AKT1: variants seen among roughly 807,000 people sequenced by gnomAD.
AKT1 encodes RAC-alpha serine/threonine-protein kinase.
A neutral mutation model predicts 63.1 loss-of-function variants in AKT1; 21 were observed. That is an observed-to-expected ratio of 0.33 (90% CI 0.24 to 0.48). The LOEUF (loss-of-function observed/expected upper bound fraction) is 0.48. AKT1 is among the 20% of genes least tolerant of loss of function. AKT1 has a pLI of 0.99. For synonymous variants in AKT1, 257 were observed against 253.1 expected, an observed-to-expected ratio of 1.02 and a Z score of -0.15; for missense variants, 382 against 666.0, an observed-to-expected ratio of 0.57 and a Z score of 4.69.
At chr14:104,789,851 G>A (rs932619176) in intron 3 of AKT1, among the ~76,000 whole-genome samples, 1 of 152,080 alleles carries the variant, frequency 6.6e-6, no homozygotes, top group African/African-American at 2.4e-5. Context: ...CAGAGGCCTC[G>A]CCTGGGTCCA....
In AKT1 at chr14:104,775,084, C is replaced by G. The variant is rs1216778719; in HGVS notation, c.559G>C (p.Val187Leu). 1 of 1,613,944 alleles carries G rather than the reference C, an allele frequency of 6.2e-7. No homozygotes were observed. ...AMKILKKEVI[V>L]AKDEVAHTLT... ...CACCGCCCCGGCCCCACCTTGGCCA[C>G]GATGACTTCCTTCTTGAGGATCTTC... Residue 187 changes from valine (V) to leucine (L), a missense_variant, in exon 7 of 15, where the codon GTG (valine) becomes CTG (leucine). Val to Leu is a conservative substitution (Grantham distance 32). This residue lies in a region of AKT1 where 226 missense variants were observed against 366.4 expected (regional missense o/e 0.62). Transcript: ENST00000649815.
intron 9 of AKT1, 70 bp downstream of exon 9, chr14:104,773,842 G>A (rs754687743): frequency 2.0e-4 from 302 of 1,473,222 alleles, no homozygotes; most frequent in Non-Finnish European, 2.6e-4. Flanking sequence ...CCGAGGCTCC[G>A]GGAAGGACCG....
intron 3 of AKT1, among the ~76,000 whole-genome samples, chr14:104,781,836 A>G (rs935313870): frequency 8.6e-5 from 13 of 152,006 alleles, no homozygotes; most frequent in Admixed American, 7.2e-4. Flanking sequence ...CCTCTGGAGG[A>G]CGGCCAACAC....
At chr14:104,770,496 G>T in intron 14 of AKT1, 76 bp from the exon 15 acceptor site, 1 of 1,401,760 alleles carries the variant, frequency 7.1e-7, no homozygotes, top group Non-Finnish European at 9.6e-7. Flanking sequence ...CCAGTAGGAA[G>T]CCAACCTCTT....
intron 3 of AKT1, among the ~76,000 whole-genome samples, chr14:104,790,627 C>CA (rs1162729206): frequency 1.3e-5 from 2 of 152,224 alleles, no homozygotes; most frequent in African/African-American, 4.8e-5. Context: ...ACAAGAGGGG[C>CA]TATGCCTGCC....
At chr14:104,771,942 G>A in intron 13 of AKT1, 1 of 313,692 alleles carries the variant, frequency 3.2e-6, no homozygotes, top group Non-Finnish European at 6.0e-6. Context: ...ATAGGGCTGG[G>A]CTCTCCTTGC....
chr14:104,771,547 G>A (rs766763375), intron 13 of AKT1: 4 of 232,464 alleles, frequency 1.7e-5, no homozygotes, highest in Non-Finnish European at 3.4e-5. Flanking sequence ...TTGGAGGGCA[G>A]GGCAGGAGGG....
rs956286174 is a variant in AKT1, at chr14:104,776,970, A to G, written c.176-200T>C. On this transcript the variant is annotated intron_variant, in intron 4 of 14. Transcript: ENST00000649815. Reference sequence around the variant, plus strand: ...ACCCCTGTTCCAGCTCAGACACTCTACTCCAGGCTGAGGCAGCCACACAGG... The same window carrying G: ...ACCCCTGTTCCAGCTCAGACACTCTGCTCCAGGCTGAGGCAGCCACACAGG... The G allele has an allele frequency of 4.8e-5, 26 of 543,798 alleles. 1 individual carries two copies. The Middle Eastern group carries it at 3.0e-3, about 62-fold the overall frequency. 33.7% of individuals were successfully genotyped at this position (543,798 alleles called of 1,614,324 possible). A position where few individuals can be genotyped will look rare whatever the true frequency, so the allele number is the denominator to read the frequency against.
At chr14:104,774,615 C>T (rs1892604531) in intron 8 of AKT1, 1 of 413,684 alleles carries the variant, frequency 2.4e-6, no homozygotes, top group Non-Finnish European at 4.4e-6. Flanking sequence ...AGGACAGAGC[C>T]CGGGCCTCAA....
Position 104,776,328 on chromosome 14 carries a change from G to A in AKT1, c.287+331C>T, listed in dbSNP as rs572115632. 94 of 232,482 alleles carry A rather than the reference G, an allele frequency of 4.0e-4. 2 individuals are homozygous for A. The South Asian group carries it at 6.5e-3, about 16-fold the overall frequency. 14.4% of individuals were successfully genotyped at this position (232,482 alleles called of 1,614,324 possible). On this transcript the variant is annotated intron_variant, in intron 5 of 14. Transcript: ENST00000649815. ...CACCCAGCTAAGTTTTATATTTTTA[G>A]TAGAGACGGGGGTTTCACCATGTTG... is the stretch of plus-strand genomic sequence containing the variant.
chr14:104,791,328 C>A (rs1468736455), intron 3 of AKT1, among the ~76,000 whole-genome samples: 1 of 151,792 alleles, frequency 6.6e-6, no homozygotes, highest in Non-Finnish European at 1.5e-5. Context: ...TGGCAGGACT[C>A]CTGGGGAACA....
intron 9 of AKT1, 78 bp downstream of exon 9, chr14:104,773,833 CG>C: frequency 7.0e-7 from 1 of 1,436,274 alleles, no homozygotes; most frequent in African/African-American, 1.4e-5. Context: ...GGAGAGTAGC[CG>C]AGGCTCCGGG....
chr14:104,782,082 TC>T, intron 3 of AKT1, among the ~76,000 whole-genome samples: 1 of 150,986 alleles, frequency 6.6e-6, no homozygotes, highest in East Asian at 2.0e-4. Context: ...GCCTCCCACG[TC>T]CCCTCCCCCA....
chr14:104,784,975 C>T (rs1158672219), intron 3 of AKT1, among the ~76,000 whole-genome samples: 2 of 152,236 alleles, frequency 1.3e-5, no homozygotes, highest in African/African-American at 4.8e-5. Flanking sequence ...ATAAACACTT[C>T]GCAGAGACGG....
chr14:104,788,113 G>A (rs1893428265), intron 3 of AKT1, among the ~76,000 whole-genome samples: 1 of 152,204 alleles, frequency 6.6e-6, no homozygotes, highest in African/African-American at 2.4e-5. Flanking sequence ...CCTGCCCACG[G>A]GGGCCGTTCC....
intron 3 of AKT1, among the ~76,000 whole-genome samples, chr14:104,780,849 G>C (rs1161321802): frequency 2.0e-5 from 3 of 152,258 alleles, no homozygotes; most frequent in Non-Finnish European, 4.4e-5. Context: ...CCCTGTCTAG[G>C]GGCCTGGAGC....
At chr14:104,787,038 C>G (rs1386791097) in intron 3 of AKT1, among the ~76,000 whole-genome samples, 1 of 152,252 alleles carries the variant, frequency 6.6e-6, no homozygotes, top group African/African-American at 2.4e-5. Flanking sequence ...TGGGTGGGGT[C>G]TGCAGTCACC....
At chr14:104,781,365 C>G (rs531691711) in intron 3 of AKT1, among the ~76,000 whole-genome samples, 1 of 152,124 alleles carries the variant, frequency 6.6e-6, no homozygotes, top group African/African-American at 2.4e-5. Flanking sequence ...TGTCCCATCA[C>G]CAGACCACCC....
At chr14:104,773,640 AGGGCTGGG>A in intron 9 of AKT1, 60 bp from the exon 10 acceptor site, 1 of 1,554,696 alleles carries the variant, frequency 6.4e-7, no homozygotes, top group Non-Finnish European at 8.7e-7. Context: ...CATGGCCTGC[AGGGCTGGG>A]GTTTCTCAGA....
Sources: allele counts gnomAD v4.1 joint callset (sites outside exome capture counted in the v4.1 genomes callset), GRCh38; gene constraint gnomAD v4.1.1; regional missense constraint gnomAD v4.1.1; transcripts MANE v1.5; gene names NCBI Gene and HGNC (gene_info 2026-07-23, HGNC 2026-07-21).